POLR3C: variants seen among roughly 807,000 people sequenced by gnomAD.
POLR3C encodes DNA-directed RNA polymerase III subunit RPC3.
POLR3C carries 44 observed loss-of-function variants against 65.9 expected under a neutral mutation model. That is an observed-to-expected ratio of 0.67 (90% confidence interval 0.52 to 0.86). The LOEUF is 0.86. Among genes scored for constraint, POLR3C ranks in the 40% least tolerant of loss-of-function variants. The pLI is 0.00. For missense variants in POLR3C, 576 were observed against 653.2 expected, an observed-to-expected ratio of 0.88 and a Z score of 1.29; for synonymous variants, 263 against 231.6, an observed-to-expected ratio of 1.14 and a Z score of -1.23.
At chr1:145,825,047 A>ATTTTTAT in intron 1 of POLR3C, among the ~76,000 whole-genome samples, 1 of 151,956 alleles carries the variant, frequency 6.6e-6, no homozygotes, top group South Asian at 2.1e-4. Flanking sequence ...TTTTTACAAT[A>ATTTTTAT]ATTGAATTTT....
At chr1:145,838,685 TCAAAAAACAAAAAAAA>T (rs1203763416) in intron 11 of POLR3C, among the ~76,000 whole-genome samples, 6 of 151,702 alleles carry the variant, frequency 4.0e-5, no homozygotes, top group South Asian at 2.1e-4. Flanking sequence ...AGACTCTGTC[TCAAAAAACAAAAAAAA>T]CAAAAAACAA....
chr1:145,831,886 C>A (rs149254533), intron 5 of POLR3C, among the ~76,000 whole-genome samples: 3 of 152,152 alleles, frequency 2.0e-5, no homozygotes, highest in African/African-American at 2.4e-5. Context: ...CAGAAAAATA[C>A]AAAAATTACC....
rs782232887 is a variant in POLR3C at position 145,836,836 on chromosome 1, G to A, written c.979G>A (p.Gly327Ser). 6.3e-7 allele frequency: 1 copy of A among 1,595,782 alleles called. No individual in the cohort carries two copies. The highest frequency in any genetic ancestry group is 1.1e-5 in the South Asian group (1 of 90,210). Reference sequence around the variant, plus strand: ...ATAGCTAGAGTTTGTTGGAAAGTCTGGCGACAGTGGTGGAGGAATGTATGT... The same window carrying A: ...ATAGCTAGAGTTTGTTGGAAAGTCTAGCGACAGTGGTGGAGGAATGTATGT... ...DDPLEFVGKS[G>S]DSGGGMYVIN... Residue 327 changes from glycine to serine, a missense_variant, in exon 9 of 15, where the codon GGC (glycine) becomes AGC (serine). Physicochemically the swap from Gly to Ser is moderately conservative, Grantham distance 56 (BLOSUM62 0). Coordinates refer to ENST00000334163, the MANE Select transcript of POLR3C (RefSeq NM_006468.8).
intron 5 of POLR3C, 41 bp downstream of exon 5, chr1:145,828,878 G>A: frequency 9.3e-7 from 1 of 1,080,794 alleles, no homozygotes; most frequent in Non-Finnish European, 1.4e-6. Context: ...CCCTGAAGCA[G>A]GCCAGAAAGA....
intron 14 of POLR3C, among the ~76,000 whole-genome samples, chr1:145,841,458 C>G (rs1450149664): frequency 6.6e-6 from 1 of 152,188 alleles, no homozygotes; most frequent in Non-Finnish European, 1.5e-5. Flanking sequence ...TCAAATCTGG[C>G]CTTTCATCTT....
At chr1:145,833,436 A>G in intron 6 of POLR3C, 54 bp from the exon 7 acceptor site, 2 of 1,533,314 alleles carry the variant, frequency 1.3e-6, no homozygotes, top group South Asian at 2.2e-5. Context: ...CCATTGGCAC[A>G]TAGAGCCAGG....
Position 145,841,078 on chromosome 1 carries a change from A to C in POLR3C, c.1523+7A>C. ...TGAAACGTAATGTCAACAAGTAAGC[A>C]TCATAAACTTCAGACCTGCATTTCA... is the stretch of plus-strand genomic sequence containing the variant. On this transcript the variant is annotated splice_region_variant and intron_variant, in intron 14 of 14. Coordinates refer to ENST00000334163, the MANE Select transcript of POLR3C (RefSeq NM_006468.8). 4 of 1,612,384 alleles carry C rather than the reference A, an allele frequency of 2.5e-6. No homozygotes were observed. The highest frequency in any genetic ancestry group is 3.4e-6 in the Non-Finnish European group (4 of 1,178,522).
chr1:145,825,728 AT>A, intron 1 of POLR3C, 28 bp from the exon 2 acceptor site: 1 of 1,506,554 alleles, frequency 6.6e-7, no homozygotes, highest in East Asian at 2.3e-5. Context: ...AAGACTTTCT[AT>A]TGTACCATTT....
chr1:145,833,802 T>C (rs1179651081), intron 7 of POLR3C, among the ~76,000 whole-genome samples: 1 of 152,244 alleles, frequency 6.6e-6, no homozygotes, highest in African/African-American at 2.4e-5. Flanking sequence ...AAAGTATCTA[T>C]TCGTCAAGTA....
chr1:145,833,161 G>C, intron 5 of POLR3C, 99 bp from the exon 6 acceptor site: 1 of 702,054 alleles, frequency 1.4e-6, no homozygotes, highest in Non-Finnish European at 2.5e-6. Context: ...CAATGTAATT[G>C]TTACTGTGTA....
intron 14 of POLR3C, among the ~76,000 whole-genome samples, chr1:145,841,644 T>C (rs1468520064): frequency 6.6e-6 from 1 of 152,220 alleles, no homozygotes; most frequent in African/African-American, 2.4e-5. Context: ...CAACCAACTT[T>C]GGTGTTGTGA....
chr1:145,826,559 A>G lies in POLR3C; in HGVS notation c.253A>G (p.Met85Val). 6.2e-7 allele frequency: 1 copy of G among 1,614,066 alleles called. No individual in the cohort carries two copies. The highest frequency in any genetic ancestry group is 8.5e-7 in the Non-Finnish European group (1 of 1,180,004). The change falls in exon 3 of 15, where the codon ATG becomes GTG. Residue 85 changes from methionine to valine, a missense_variant. Coordinates refer to ENST00000334163, the MANE Select transcript of POLR3C (RefSeq NM_006468.8). The part of the protein sequence containing the change: ...YEAQCSRVLR[M>V]LRYPRYIYTT... The stretch of plus-strand genomic sequence containing the variant: ...AGCCCAGTGCAGCCGGGTATTGCGA[A>G]TGCTTAGATATCCCCGGTACATCTA...
chr1:145,832,387 GTAAA>G (rs1651409345), intron 5 of POLR3C, among the ~76,000 whole-genome samples: 1 of 152,174 alleles, frequency 6.6e-6, no homozygotes, highest in Non-Finnish European at 1.5e-5. Context: ...CTTGGACAGG[GTAAA>G]GGCTGATAAG....
intron 7 of POLR3C, among the ~76,000 whole-genome samples, chr1:145,836,011 A>G (rs1440795751): frequency 6.6e-6 from 1 of 150,814 alleles, no homozygotes; most frequent in Non-Finnish European, 1.5e-5. Flanking sequence ...GCTATATTTT[A>G]TTTTAGTGTA....
At position 145,838,105 on chromosome 1, in the gene POLR3C, C is replaced by G; in HGVS notation, c.1120C>G (p.His374Asp). 3.1e-6 allele frequency: 5 copies of G among 1,613,862 alleles called. No homozygotes were observed. The highest frequency in any genetic ancestry group is 4.2e-6 in the Non-Finnish European group (5 of 1,179,732). ...ATTCCGTCTAGTTTTGCAGAAGAAA[C>G]ACATAGAGCAGAAGCAAGTGGAAGA... ...RIFRLVLQKK[H>D]IEQKQVEDFA... Residue 374 changes from histidine (H) to aspartate (D), a missense_variant, in exon 11 of 15, where the codon CAC (histidine) becomes GAC (aspartate). Transcript: ENST00000334163.
chr1:145,842,648 G>A lies in POLR3C; in HGVS notation c.*228G>A, dbSNP rs745565882. The A allele has an allele frequency of 1.7e-6, 1 of 580,494 alleles. No homozygotes were observed. Among genetic ancestry groups the A allele is most frequent in the Admixed American group, 3.1e-5 (1 of 32,572 alleles). The allele number at this position is 580,494 out of a possible 1,614,324, so 36.0% of individuals were successfully genotyped here. A position where few individuals can be genotyped will look rare whatever the true frequency, so the allele number is the denominator to read the frequency against. On this transcript the variant is annotated 3_prime_UTR_variant, in exon 15 of 15. Coordinates refer to ENST00000334163, the MANE Select transcript of POLR3C (RefSeq NM_006468.8). ...AGTGGGAAGAACCTTAAATCAACAA[G>A]GTTAATCATCTATCAGATGCATCTG...
At chr1:145,829,472 C>A (rs1651107912) in intron 5 of POLR3C, among the ~76,000 whole-genome samples, 1 of 152,234 alleles carries the variant, frequency 6.6e-6, no homozygotes, top group African/African-American at 2.4e-5. Context: ...CAAACGCTTT[C>A]GTTAATGGTC....
intron 13 of POLR3C, 57 bp downstream of exon 13, chr1:145,840,222 G>A: frequency 8.9e-7 from 1 of 1,119,746 alleles, no homozygotes; most frequent in South Asian, 1.2e-5. Context: ...GGCCTCAGGG[G>A]AAATTTCCTC....
chr1:145,834,003 G>A (rs1378873315), intron 7 of POLR3C, among the ~76,000 whole-genome samples: 4 of 152,102 alleles, frequency 2.6e-5, no homozygotes, highest in East Asian at 1.9e-4. Flanking sequence ...GAAATGTGTC[G>A]TTAGGTGATT....
Sources: allele counts gnomAD v4.1 joint callset (sites outside exome capture counted in the v4.1 genomes callset), GRCh38; gene constraint gnomAD v4.1.1; transcripts MANE v1.5; gene names NCBI Gene and HGNC (gene_info 2026-07-23, HGNC 2026-07-21).